The following ADGRF5 variants were observed in gnomAD, a reference collection of about 807,000 sequenced individuals.
The protein encoded by ADGRF5 is adhesion G protein-coupled receptor F5, also known as G-protein coupled receptor 116.
In ADGRF5, 75 loss-of-function variants were observed where a neutral mutation model predicts 132.3. The ratio of observed to expected loss-of-function variants is 0.57; its 90% CI spans 0.47 to 0.69. ADGRF5 has a LOEUF of 0.69. Among genes scored for constraint, ADGRF5 ranks in the 30% least tolerant of loss-of-function variants. ADGRF5 has a pLI of 0.00. For missense variants in ADGRF5, 1,516 were observed against 1,630.6 expected (o/e 0.93, Z 1.21); for synonymous variants, 629 against 597.6 (o/e 1.05, Z -0.77).
At chr6:46,872,252 C>A (rs538941577) in intron 10 of ADGRF5, among the ~76,000 whole-genome samples, 1 of 152,136 alleles carries the variant, frequency 6.6e-6, no homozygotes, top group Admixed American at 6.6e-5. Flanking sequence ...CACTTAACCA[C>A]CTTGTGCTTC....
At chr6:46,912,851 T>C (rs1319229576) in intron 1 of ADGRF5, among the ~76,000 whole-genome samples, 1 of 152,054 alleles carries the variant, frequency 6.6e-6, no homozygotes, top group Non-Finnish European at 1.5e-5. Context: ...CCTTCGCTGA[T>C]TAAAAAAAAT....
At chr6:46,916,186 T>C (rs544048048) in intron 1 of ADGRF5, among the ~76,000 whole-genome samples, 1 of 152,358 alleles carries the variant, frequency 6.6e-6, no homozygotes, top group Non-Finnish European at 1.5e-5. Context: ...CTTTATGGCA[T>C]ATTGCCTCTT....
intron 3 of ADGRF5, among the ~76,000 whole-genome samples, chr6:46,897,140 A>ATG (rs1288562454): frequency 8.8e-5 from 11 of 125,384 alleles, no homozygotes; most frequent in Non-Finnish European, 1.5e-4. Context: ...ATGCATGCAT[A>ATG]TATATACACA....
At chr6:46,907,617 C>G (rs112043567) in intron 1 of ADGRF5, among the ~76,000 whole-genome samples, 1 of 152,072 alleles carries the variant, frequency 6.6e-6, no homozygotes, top group East Asian at 1.9e-4. Context: ...GGGTGTCACA[C>G]GGAATAACCT....
chr6:46,931,747 A>G (rs1487409988), intron 1 of ADGRF5, among the ~76,000 whole-genome samples: 1 of 152,166 alleles, frequency 6.6e-6, no homozygotes. Context: ...GCATATGAAG[A>G]CTGAGGGTTT....
Position 46,901,681 on chromosome 6 carries a change from C to T in ADGRF5, c.103-1598G>A, listed in dbSNP as rs192758994. On this transcript the variant is annotated intron_variant, in intron 2 of 20. Coordinates refer to ENST00000283296, the MANE Select transcript of ADGRF5 (RefSeq NM_001098518.2). Reference sequence around the variant, plus strand: ...CAAACCCAGCCAGCTCCAGAGTCTGCACTTGTCCACGCAGGCACTGCATCA... The same window carrying T: ...CAAACCCAGCCAGCTCCAGAGTCTGTACTTGTCCACGCAGGCACTGCATCA... 4.6e-5 allele frequency among the ~76,000 whole-genome samples: 7 copies of T among 152,212 alleles called. No individual in the cohort carries two copies. In the South Asian group the frequency reaches 1.5e-3, roughly 32 times the overall value.
chr6:46,900,206 C>A, intron 2 of ADGRF5, 123 bp from the exon 3 acceptor site: 1 of 733,828 alleles, frequency 1.4e-6, no homozygotes. Flanking sequence ...GGGTTAGCAC[C>A]ATGTGTCCCG....
chr6:46,882,045 T>G lies in ADGRF5; in HGVS notation c.671+4A>C, dbSNP rs373403438. 2 of 1,598,176 alleles carry G rather than the reference T, an allele frequency of 1.3e-6. No individual in the cohort carries two copies. The highest frequency in any genetic ancestry group is 1.7e-6 in the Non-Finnish European group (2 of 1,165,434). ...TAGAAATGATCAAATTAAAGTATTC[T>G]TACTTGAACCCTGTCACAGTCACGC... is the stretch of plus-strand genomic sequence containing the variant. On this transcript the variant is annotated splice_donor_region_variant and intron_variant, in intron 7 of 20. Coordinates refer to ENST00000283296, the MANE Select transcript of ADGRF5 (RefSeq NM_001098518.2).
At chr6:46,953,668 T>G (rs1367406791) in intron 1 of ADGRF5, among the ~76,000 whole-genome samples, 1 of 132,458 alleles carries the variant, frequency 7.5e-6, no homozygotes, top group Non-Finnish European at 1.6e-5. Context: ...TATATATATA[T>G]ATATATATAT....
At chr6:46,953,988 T>C (rs1778626624) in intron 1 of ADGRF5, among the ~76,000 whole-genome samples, 1 of 151,516 alleles carries the variant, frequency 6.6e-6, no homozygotes. Context: ...TTTATAGTGG[T>C]ACTTAAATAA....
At chr6:46,877,223 CTCTCTTTCTT>C (rs1253881872) in intron 10 of ADGRF5, among the ~76,000 whole-genome samples, 14 of 149,798 alleles carry the variant, frequency 9.3e-5, no homozygotes, top group African/African-American at 2.7e-4. Context: ...AATTTATTTC[CTCTCTTTCTT>C]TCTTTCTTTC....
chr6:46,916,377 G>C (rs915849320), intron 1 of ADGRF5, among the ~76,000 whole-genome samples: 1 of 152,156 alleles, frequency 6.6e-6, no homozygotes, highest in Non-Finnish European at 1.5e-5. Context: ...TGTGCCAACT[G>C]CTGGCTTCAT....
At chr6:46,950,806 C>A (rs1046520460) in intron 1 of ADGRF5, among the ~76,000 whole-genome samples, 2 of 152,172 alleles carry the variant, frequency 1.3e-5, no homozygotes, top group Non-Finnish European at 2.9e-5. Context: ...AGCCACTGCG[C>A]CTGGCTGACT....
intron 8 of ADGRF5, among the ~76,000 whole-genome samples, chr6:46,880,887 A>G (rs1218822239): frequency 6.6e-6 from 1 of 151,990 alleles, no homozygotes; most frequent in Non-Finnish European, 1.5e-5. Flanking sequence ...GGCCAGGAGT[A>G]TGAGACCAGC....
intron 20 of ADGRF5, among the ~76,000 whole-genome samples, chr6:46,855,070 A>G (rs904676403): frequency 1.3e-5 from 2 of 152,182 alleles, no homozygotes; most frequent in African/African-American, 4.8e-5. Context: ...TCCTGTGAGG[A>G]AGGGATGATG....
intron 1 of ADGRF5, among the ~76,000 whole-genome samples, chr6:46,917,504 A>G (rs2150919155): frequency 6.6e-6 from 1 of 152,306 alleles, no homozygotes; most frequent in African/African-American, 2.4e-5. Context: ...TGGATCCCCC[A>G]TCTATAAAAT....
At chr6:46,911,699 C>G (rs10484843) in intron 1 of ADGRF5, among the ~76,000 whole-genome samples, 2 of 151,900 alleles carry the variant, frequency 1.3e-5, no homozygotes, top group African/African-American at 2.4e-5. Context: ...ATCTATTGCA[C>G]GAAGTAAATC....
intron 1 of ADGRF5, among the ~76,000 whole-genome samples, chr6:46,931,979 C>T (rs111765271): frequency 3.9e-5 from 6 of 152,268 alleles, no homozygotes; most frequent in African/African-American, 1.4e-4. Context: ...TGCCATAAAC[C>T]TCTTTGTACA....
chr6:46,866,941 G>A lies in ADGRF5; in HGVS notation c.1818C>T (p.Ser606=). The A allele has an allele frequency of 6.2e-7, 1 of 1,605,620 alleles. No individual in the cohort carries two copies. The highest frequency in any genetic ancestry group is 8.5e-7 in the Non-Finnish European group (1 of 1,172,218). Residue 606 remains serine, a synonymous_variant, in exon 13 of 21, where the codon TCC becomes TCT. Transcript: ENST00000283296. ...GCATCTTACCAGCAGGAAGGGATGA[G>A]GAACCCGTATGGAAAGTAACTTTGT... The part of the protein sequence containing the change: ...GDYKVTFHTG[S]SSLPAAKEVN...
Sources: allele counts gnomAD v4.1 joint callset (sites outside exome capture counted in the v4.1 genomes callset), GRCh38; gene constraint gnomAD v4.1.1; transcripts MANE v1.5; gene names NCBI Gene and HGNC (gene_info 2026-07-23, HGNC 2026-07-21).